The following PPP2R2B variants were observed in gnomAD, a reference collection of about 807,000 sequenced individuals.
PPP2R2B encodes the protein protein phosphatase 2 regulatory subunit Bbeta, also known as serine/threonine-protein phosphatase 2A 55 kDa regulatory subunit B beta isoform.
A neutral mutation model predicts 46.0 loss-of-function variants in PPP2R2B; 5 were observed. That is an observed-to-expected ratio of 0.11 (90% CI 0.06 to 0.23). The LOEUF is 0.23. Among genes scored for constraint, PPP2R2B ranks in the 10% least tolerant of loss-of-function variants. The probability of loss-of-function intolerance (pLI) is 1.00; values close to 1 mark genes in which losing one functional copy is unlikely to be tolerated. For missense variants in PPP2R2B, 367 were observed against 575.0 expected, an observed-to-expected ratio of 0.64 and a Z score of 3.70; for synonymous variants, 215 against 206.7, an observed-to-expected ratio of 1.04 and a Z score of -0.34.
chr5:146,893,157 C>T (rs940843080), intron 1 of PPP2R2B, among the ~76,000 whole-genome samples: 9 of 152,188 alleles, frequency 5.9e-5, no homozygotes, highest in African/African-American at 2.2e-4. Context: ...ACCCAGCTCA[C>T]TTGCTCTGTA....
At chr5:146,753,735 G>C (rs1244216017) in intron 2 of PPP2R2B, among the ~76,000 whole-genome samples, 1 of 152,106 alleles carries the variant, frequency 6.6e-6, no homozygotes, top group African/African-American at 2.4e-5. Context: ...CCAGAGTCCG[G>C]GAATAGCTGC....
intron 2 of PPP2R2B, among the ~76,000 whole-genome samples, chr5:146,728,904 C>G (rs1478014928): frequency 3.9e-5 from 6 of 152,182 alleles, no homozygotes; most frequent in Non-Finnish European, 5.9e-5. Context: ...ATGTCTTTAT[C>G]AGCAGCATGA....
chr5:146,764,226 G>C (rs569045942), intron 2 of PPP2R2B, among the ~76,000 whole-genome samples: 3 of 152,170 alleles, frequency 2.0e-5, no homozygotes, highest in South Asian at 2.1e-4. Flanking sequence ...GAGTCTGGAG[G>C]GGGGTGGGCA....
At chr5:146,689,029 A>G (rs1030406251) in intron 5 of PPP2R2B, among the ~76,000 whole-genome samples, 1 of 152,182 alleles carries the variant, frequency 6.6e-6, no homozygotes, top group Non-Finnish European at 1.5e-5. Flanking sequence ...AATAAATACA[A>G]CAGTATAAAA....
At chr5:146,601,360 G>T (rs985468246) in intron 7 of PPP2R2B, among the ~76,000 whole-genome samples, 7 of 152,090 alleles carry the variant, frequency 4.6e-5, no homozygotes, top group Non-Finnish European at 8.8e-5. Flanking sequence ...ACTTTGGGAG[G>T]CCTAGGCGGG....
intron 1 of PPP2R2B, among the ~76,000 whole-genome samples, chr5:146,978,603 C>G (rs1210094899): frequency 6.6e-6 from 1 of 152,126 alleles, no homozygotes; most frequent in Non-Finnish European, 1.5e-5. Flanking sequence ...GACAGTTTTC[C>G]TAACATCATT....
At chr5:146,924,158 C>T (rs1763703769) in intron 1 of PPP2R2B, among the ~76,000 whole-genome samples, 1 of 152,126 alleles carries the variant, frequency 6.6e-6, no homozygotes, top group Non-Finnish European at 1.5e-5. Context: ...ATAATCTGTA[C>T]AACAAATCCC....
At chr5:147,009,901 A>G (rs1754633980) in intron 1 of PPP2R2B, among the ~76,000 whole-genome samples, 1 of 149,532 alleles carries the variant, frequency 6.7e-6, no homozygotes, top group Non-Finnish European at 1.5e-5. Flanking sequence ...ACACACACAT[A>G]TATATATAGG....
chr5:146,691,063 G>A, intron 5 of PPP2R2B, 65 bp downstream of exon 5: 1 of 1,420,198 alleles, frequency 7.0e-7, no homozygotes, highest in South Asian at 1.2e-5. Context: ...GTAACAACCA[G>A]CACATGGCCA....
chr5:146,724,003 C>T (rs945795376), intron 2 of PPP2R2B, among the ~76,000 whole-genome samples: 1 of 152,104 alleles, frequency 6.6e-6, no homozygotes, highest in Admixed American at 6.6e-5. Flanking sequence ...GGGATGTTAT[C>T]TTATTTTCAA....
At chr5:146,855,716 A>G (rs921335941) in intron 2 of PPP2R2B, among the ~76,000 whole-genome samples, 2 of 152,178 alleles carry the variant, frequency 1.3e-5, no homozygotes, top group Non-Finnish European at 2.9e-5. Context: ...ATCTCTGATG[A>G]TTCTCTTTCT....
chr5:146,999,292 G>A (rs1193080852), intron 1 of PPP2R2B, among the ~76,000 whole-genome samples: 1 of 152,178 alleles, frequency 6.6e-6, no homozygotes, highest in African/African-American at 2.4e-5. Context: ...TGATACTAAG[G>A]AAGGTGGTAA....
upstream of PPP2R2B, among the ~76,000 whole-genome samples, chr5:147,060,031 A>G (rs1757211010): frequency 6.6e-6 from 1 of 152,146 alleles, no homozygotes; most frequent in African/African-American, 2.4e-5. Context: ...AAGAAACTAA[A>G]TCCCAGGAAA....
At chr5:146,941,514 G>C (rs891027897) in intron 1 of PPP2R2B, among the ~76,000 whole-genome samples, 1 of 152,142 alleles carries the variant, frequency 6.6e-6, no homozygotes, top group African/African-American at 2.4e-5. Context: ...CTGTTGCTTA[G>C]GGGTGTGTTC....
chr5:146,755,658 C>G (rs180763807), intron 2 of PPP2R2B, among the ~76,000 whole-genome samples: 47 of 152,314 alleles, frequency 3.1e-4, no homozygotes, highest in Admixed American at 1.5e-3. Flanking sequence ...TATTAATGCA[C>G]TGTGGTTTCA....
At chr5:146,698,219 T>A (rs761963360) in intron 3 of PPP2R2B, 75 bp from the exon 4 acceptor site, 80 of 1,348,278 alleles carry the variant, frequency 5.9e-5, no homozygotes, top group Non-Finnish European at 7.5e-5. Context: ...CTCCCTTTTT[T>A]TTCCAGCAGT....
At chr5:146,711,471 A>C (rs939256374) in intron 2 of PPP2R2B, among the ~76,000 whole-genome samples, 1 of 152,224 alleles carries the variant, frequency 6.6e-6, no homozygotes, top group African/African-American at 2.4e-5. Context: ...TTTTAGAATG[A>C]GATACATTGC....
chr5:146,955,395 CA>C (rs1156491342), intron 1 of PPP2R2B, among the ~76,000 whole-genome samples: 2 of 152,110 alleles, frequency 1.3e-5, no homozygotes, highest in African/African-American at 4.8e-5. Context: ...GCCTAGACTA[CA>C]TTTTGAGTAG....
At chr5:146,856,748 A>C (rs114636530) in intron 2 of PPP2R2B, among the ~76,000 whole-genome samples, 418 of 148,642 alleles carry the variant, frequency 2.8e-3, no homozygotes, top group African/African-American at 9.8e-3. Context: ...TAACACAATC[A>C]ACACTGTAAA....
Sources: allele counts gnomAD v4.1 joint callset (sites outside exome capture counted in the v4.1 genomes callset), GRCh38; gene constraint gnomAD v4.1.1; transcripts MANE v1.5; gene names NCBI Gene and HGNC (gene_info 2026-07-23, HGNC 2026-07-21).